HMGCL: variants seen among roughly 807,000 people sequenced by gnomAD.
HMGCL encodes 3-hydroxy-3-methylglutaryl-CoA lyase.
A neutral mutation model predicts 37.3 loss-of-function variants in HMGCL; 26 were observed. That is an observed-to-expected ratio of 0.70 (90% CI 0.51 to 0.97). The LOEUF is 0.97. Ranked by LOEUF, HMGCL falls within the 50% of genes least tolerant of loss-of-function variation. The pLI is 0.00. For synonymous variants in HMGCL, 151 were observed against 148.0 expected, an observed-to-expected ratio of 1.02 and a Z score of -0.15; for missense variants, 379 against 398.1, an observed-to-expected ratio of 0.95 and a Z score of 0.41.
intron 7 of HMGCL, chr1:23,807,131 A>G (rs774481589): frequency 1.9e-6 from 1 of 519,060 alleles, no homozygotes; most frequent in South Asian, 1.4e-5. Context: ...CGTGATCAGG[A>G]TGAAGTTTTG....
chr1:23,808,008 G>C, intron 7 of HMGCL, 127 bp downstream of exon 7: 2 of 831,906 alleles, frequency 2.4e-6, no homozygotes, highest in South Asian at 3.1e-5. Flanking sequence ...CACCATGACT[G>C]TGTCCACCAT....
chr1:23,824,996 T>G (rs894963883), intron 1 of HMGCL, among the ~76,000 whole-genome samples: 3 of 152,116 alleles, frequency 2.0e-5, no homozygotes, highest in Non-Finnish European at 4.4e-5. Flanking sequence ...ACGAAGGAAA[T>G]GGAAGCGTGT....
intron 1 of HMGCL, among the ~76,000 whole-genome samples, chr1:23,821,343 G>A (rs1423773779): frequency 2.0e-5 from 3 of 149,606 alleles, no homozygotes; most frequent in African/African-American, 2.5e-5. Context: ...GGCGACAGAG[G>A]AAGACTCCAT....
rs1413051812 is a variant in HMGCL, at chr1:23,824,349, G to A, written c.60+1007C>T. ...AATACTAATACTGGTTCCTATGCTT[G>A]GAACCCCATGGAGGGCCATCTCATT... On this transcript the variant is annotated intron_variant, in intron 1 of 8. Transcript: ENST00000374490. 3.9e-5 allele frequency among the ~76,000 whole-genome samples: 6 copies of A among 152,208 alleles called. No individual in the cohort carries two copies. In the East Asian group the frequency reaches 1.2e-3, roughly 29 times the overall value.
At chr1:23,816,043 G>A (rs925479436) in intron 4 of HMGCL, among the ~76,000 whole-genome samples, 2 of 150,586 alleles carry the variant, frequency 1.3e-5, no homozygotes, top group East Asian at 1.9e-4. Flanking sequence ...TCAGTCTCCC[G>A]AGTAGCTAGG....
rs1027962018 is a variant in HMGCL at position 23,810,548 on chromosome 1, C to T, written c.561+188G>A. The T allele has an allele frequency of 6.3e-5, 39 of 617,176 alleles. 2 individuals are homozygous for T. Among genetic ancestry groups the T allele is most frequent in the Admixed American group, 4.3e-4 (18 of 41,786 alleles). 38.2% of individuals were successfully genotyped at this position (617,176 alleles called of 1,614,324 possible). On this transcript the variant is annotated intron_variant, in intron 6 of 8. Coordinates refer to ENST00000374490, the MANE Select transcript of HMGCL (RefSeq NM_000191.3). ...CCAGGGGCTTCAAGGACTACATGTT[C>T]GGCTAGGAGGGGGGCCTCTAGGGAG...
chr1:23,802,486 C>G lies in HMGCL; in HGVS notation c.955G>C (p.Ala319Pro), dbSNP rs756035414. The change falls in exon 9 of 9, where the codon GCT (alanine) becomes CCT (proline). Residue 319 changes from alanine (A) to proline (P), a missense_variant. Coordinates refer to ENST00000374490, the MANE Select transcript of HMGCL (RefSeq NM_000191.3). ...ALNRKTSSKV[A>P]QATCKL ...GCTCAGAGTTTACAGGTAGCCTGAGCCACTTTGGAGCTAGTTTTTCTGTTC... is the reference window on the plus strand; with the variant it reads ...GCTCAGAGTTTACAGGTAGCCTGAGGCACTTTGGAGCTAGTTTTTCTGTTC... 1 of 1,613,586 alleles carries G rather than the reference C, an allele frequency of 6.2e-7. No individual in the cohort carries two copies. The highest frequency in any genetic ancestry group is 1.1e-5 in the South Asian group (1 of 91,086).
Position 23,802,281 on chromosome 1 carries a change from C to T in HMGCL, c.*182G>A. 1 of 632,508 alleles carries T rather than the reference C, an allele frequency of 1.6e-6. No individual in the cohort carries two copies. Among genetic ancestry groups the T allele is most frequent in the South Asian group, 1.8e-5 (1 of 54,640 alleles). The allele number at this position is 632,508 out of a possible 1,614,324, so 39.2% of individuals were successfully genotyped here. A position where few individuals can be genotyped will look rare whatever the true frequency, so the allele number is the denominator to read the frequency against. On this transcript the variant is annotated 3_prime_UTR_variant, in exon 9 of 9. Coordinates refer to ENST00000374490, the MANE Select transcript of HMGCL (RefSeq NM_000191.3). ...ACTCCTCAGGTCTGGGCAGGAGGTC[C>T]TTCTGCCAAGCAGCTCCTCCTGCCC...
intron 5 of HMGCL, among the ~76,000 whole-genome samples, chr1:23,812,251 A>C (rs1040313398): frequency 6.6e-6 from 1 of 152,240 alleles, no homozygotes; most frequent in African/African-American, 2.4e-5. Flanking sequence ...AGAGAAGGGC[A>C]CTAACTCCAG....
intron 5 of HMGCL, among the ~76,000 whole-genome samples, chr1:23,813,432 T>C (rs907402299): frequency 5.9e-5 from 9 of 151,488 alleles, no homozygotes; most frequent in African/African-American, 2.2e-4. Flanking sequence ...CACGCCCAGC[T>C]AATTTTTGTA....
chr1:23,808,292 T>C lies in HMGCL; in HGVS notation c.593A>G (p.Tyr198Cys), dbSNP rs1303119110. 9.3e-6 allele frequency: 15 copies of C among 1,613,856 alleles called. No individual in the cohort carries two copies. Among genetic ancestry groups the C allele is most frequent in the Admixed American group, 8.3e-5 (5 of 59,982 alleles). ...AATGGTGTCCCCCAGGGAGATCTCG[T>C]AGCAGCCCATTGAGTAGAACTTCTT... The part of the protein sequence containing the change: ...VTKKFYSMGC[Y>C]EISLGDTIGV... The change falls in exon 7 of 9, where the codon TAC becomes TGC. Residue 198 changes from tyrosine (Y) to cysteine (C), a missense_variant. Transcript: ENST00000374490.
chr1:23,803,811 C>T (rs1208363547), intron 8 of HMGCL: 1 of 153,158 alleles, frequency 6.5e-6, no homozygotes, highest in African/African-American at 2.4e-5. Context: ...TATTCTGCTT[C>T]CGTCCCGCCA....
At chr1:23,814,088 C>T in intron 5 of HMGCL, 102 bp downstream of exon 5, 1 of 1,288,716 alleles carries the variant, frequency 7.8e-7, no homozygotes. Context: ...AGGCTGCCCC[C>T]ACCCAGGATA....
chr1:23,809,450 G>C (rs577206529), intron 6 of HMGCL: 2 of 151,322 alleles, frequency 1.3e-5, no homozygotes, highest in African/African-American at 4.9e-5. Context: ...ATGTTAGCCA[G>C]GATGGTCTCG....
In HMGCL at chr1:23,814,297, G is replaced by A. The variant is rs141872588; in HGVS notation, c.390C>T (p.Ala130=). 6 of 1,613,634 alleles carry A rather than the reference G, an allele frequency of 3.7e-6. No individual in the cohort carries two copies. Among genetic ancestry groups the A allele is most frequent in the Non-Finnish European group, 5.1e-6 (6 of 1,179,960 alleles). ...TGTTCTTCTTGGTGAAGAGCTCTGA[G>A]GCAGCTCCAAAGATGACTACTTCCT... ...GAKEVVIFGA[A]SELFTKKNIN... is the part of the protein sequence containing the mutation. Residue 130 remains alanine, a synonymous_variant, in exon 5 of 9, where the codon GCC becomes GCT. Transcript: ENST00000374490.
intron 2 of HMGCL, among the ~76,000 whole-genome samples, chr1:23,817,829 G>A (rs1203797589): frequency 2.0e-5 from 3 of 152,238 alleles, no homozygotes; most frequent in African/African-American, 2.4e-5. Flanking sequence ...AAAGGGCAGA[G>A]ATGACTAACC....
At chr1:23,808,829 G>C (rs1002092833) in intron 6 of HMGCL, among the ~76,000 whole-genome samples, 3 of 145,556 alleles carry the variant, frequency 2.1e-5, no homozygotes, top group Non-Finnish European at 4.5e-5. Flanking sequence ...TGCAACCTTG[G>C]CCTCTCAGAC....
chr1:23,814,006 T>A, intron 5 of HMGCL, 184 bp downstream of exon 5: 1 of 687,034 alleles, frequency 1.5e-6, no homozygotes. Flanking sequence ...AAATTCAGGT[T>A]TGAGAGAAAG....
At chr1:23,812,548 C>G (rs1406725614) in intron 5 of HMGCL, among the ~76,000 whole-genome samples, 2 of 151,962 alleles carry the variant, frequency 1.3e-5, no homozygotes, top group Non-Finnish European at 2.9e-5. Flanking sequence ...GGGGTTTCAC[C>G]ATGTTGCCCA....
Sources: gnomAD v4.1 joint callset for allele counts (sites outside exome capture counted in the v4.1 genomes callset) on GRCh38, gnomAD v4.1.1 for gene constraint, MANE v1.5 for transcripts, NCBI Gene and HGNC (gene_info 2026-07-23, HGNC 2026-07-21) for gene names.